CDH13: variants seen among roughly 807,000 people sequenced by gnomAD.
The protein encoded by CDH13 is cadherin-13.
CDH13 carries 24 observed loss-of-function variants against 63.8 expected under a neutral mutation model. The ratio of observed to expected loss-of-function variants is 0.38; its 90% CI spans 0.27 to 0.53. The LOEUF (loss-of-function observed/expected upper bound fraction) is 0.53, where lower values mean the gene tolerates loss of function less well. Ranked by LOEUF, CDH13 falls within the 20% of genes least tolerant of loss-of-function variation. CDH13 has a pLI of 0.85. For missense variants in CDH13, 1,049 were observed against 903.1 expected (o/e 1.16, Z -2.07); for synonymous variants, 503 against 355.3 (o/e 1.42, Z -4.67).
intron 6 of CDH13, among the ~76,000 whole-genome samples, chr16:83,429,291 G>T (rs1353610208): frequency 6.6e-6 from 1 of 152,128 alleles, no homozygotes; most frequent in African/African-American, 2.4e-5. Flanking sequence ...GACACTCTTT[G>T]ACCAATCTCA....
At chr16:83,652,774 T>C (rs1447671007) in intron 8 of CDH13, among the ~76,000 whole-genome samples, 1 of 152,116 alleles carries the variant, frequency 6.6e-6, no homozygotes, top group Non-Finnish European at 1.5e-5. Context: ...GGAGTCCCCA[T>C]ATGACCCAGC....
chr16:83,276,379 T>C (rs1245590849), intron 5 of CDH13, among the ~76,000 whole-genome samples: 2 of 152,198 alleles, frequency 1.3e-5, no homozygotes, highest in Non-Finnish European at 2.9e-5. Context: ...TCTTTGGTGT[T>C]TCCCATATGA....
chr16:83,472,060 A>G (rs1347828358), intron 6 of CDH13, among the ~76,000 whole-genome samples: 1 of 152,220 alleles, frequency 6.6e-6, no homozygotes, highest in African/African-American at 2.4e-5. Flanking sequence ...TTTGATAACA[A>G]CAATATTCTC....
chr16:83,127,716 G>C (rs538436794), intron 4 of CDH13, among the ~76,000 whole-genome samples: 1 of 152,150 alleles, frequency 6.6e-6, no homozygotes, highest in Non-Finnish European at 1.5e-5. Context: ...GACAGGGTGA[G>C]ACTCTGTGTC....
At chr16:83,148,753 G>C (rs899045105) in intron 4 of CDH13, among the ~76,000 whole-genome samples, 3 of 152,114 alleles carry the variant, frequency 2.0e-5, no homozygotes, top group Non-Finnish European at 4.4e-5. Flanking sequence ...TGGCACTTTT[G>C]AAGATGCAGA....
intron 6 of CDH13, among the ~76,000 whole-genome samples, chr16:83,441,762 G>A (rs1185965478): frequency 6.6e-6 from 1 of 152,108 alleles, no homozygotes. Context: ...AGTACCTGGT[G>A]GAGCCCTATG....
At chr16:83,301,839 A>G (rs1362210334) in intron 5 of CDH13, among the ~76,000 whole-genome samples, 1 of 142,250 alleles carries the variant, frequency 7.0e-6, no homozygotes, top group East Asian at 2.1e-4. Context: ...TTACAAAAAT[A>G]CATTTATGCT....
intron 10 of CDH13, among the ~76,000 whole-genome samples, chr16:83,699,163 G>C (rs981449131): frequency 6.6e-6 from 1 of 152,198 alleles, no homozygotes; most frequent in African/African-American, 2.4e-5. Flanking sequence ...CCCAAAGCAC[G>C]GGCATTGTGA....
chr16:83,534,909 T>G (rs2075154317), intron 7 of CDH13, among the ~76,000 whole-genome samples: 1 of 152,238 alleles, frequency 6.6e-6, no homozygotes. Flanking sequence ...ACAAATTCAT[T>G]AGAGCACAAA....
chr16:83,342,595 G>A (rs1204069444), intron 5 of CDH13, among the ~76,000 whole-genome samples: 2 of 152,080 alleles, frequency 1.3e-5, no homozygotes, highest in Non-Finnish European at 2.9e-5. Flanking sequence ...CTGAGATTCA[G>A]CTCCACATTC....
At position 83,203,186 on chromosome 16, in the gene CDH13, T is replaced by C. The variant is rs2039082257; in HGVS notation, c.484-14159T>C. Among the ~76,000 whole-genome samples, 3 of 151,700 alleles carry C rather than the reference T, an allele frequency of 2.0e-5. No individual in the cohort carries two copies. The South Asian group carries it at 6.3e-4, about 32-fold the overall frequency. ...TTGTGGTGAGCTGAGGTCGCACCAT[T>C]GCACTCCAGCCTGGGCAACAAGAGC... On this transcript the variant is annotated intron_variant, in intron 4 of 13. Transcript: ENST00000567109.
At chr16:83,321,367 C>A (rs576637473) in intron 5 of CDH13, among the ~76,000 whole-genome samples, 1 of 152,108 alleles carries the variant, frequency 6.6e-6, no homozygotes, top group Non-Finnish European at 1.5e-5. Flanking sequence ...CTTGGAGGCA[C>A]GTCACTCACC....
intron 6 of CDH13, among the ~76,000 whole-genome samples, chr16:83,391,373 T>C (rs1326788732): frequency 6.6e-6 from 1 of 151,816 alleles, no homozygotes; most frequent in African/African-American, 2.4e-5. Flanking sequence ...ACCCAGCTAA[T>C]TTTTGTATTT....
chr16:82,979,242 A>G (rs528379920), intron 2 of CDH13, among the ~76,000 whole-genome samples: 15 of 152,312 alleles, frequency 9.8e-5, no homozygotes, highest in African/African-American at 3.6e-4. Context: ...GCCTCGTCTC[A>G]GATGAGACTA....
intron 5 of CDH13, among the ~76,000 whole-genome samples, chr16:83,273,155 G>A (rs1350824417): frequency 6.6e-6 from 1 of 151,844 alleles, no homozygotes; most frequent in African/African-American, 2.4e-5. Flanking sequence ...AAGCAAAATG[G>A]CTCTAAAATA....
intron 6 of CDH13, among the ~76,000 whole-genome samples, chr16:83,355,408 C>T (rs2091032932): frequency 6.6e-6 from 1 of 152,166 alleles, no homozygotes; most frequent in Admixed American, 6.6e-5. Context: ...TTCTCAGCAA[C>T]ACAGTTAAGA....
intron 1 of CDH13, among the ~76,000 whole-genome samples, chr16:82,792,101 A>T (rs2036336476): frequency 6.6e-6 from 1 of 152,150 alleles, no homozygotes; most frequent in African/African-American, 2.4e-5. Context: ...TCTAGCCCAT[A>T]GAATATGGCA....
At chr16:83,652,982 G>C (rs1018252796) in intron 8 of CDH13, among the ~76,000 whole-genome samples, 1 of 152,218 alleles carries the variant, frequency 6.6e-6, no homozygotes, top group Non-Finnish European at 1.5e-5. Context: ...AAGGACTGAA[G>C]TACTGATCCA....
chr16:83,210,630 A>G (rs969712857), intron 4 of CDH13, among the ~76,000 whole-genome samples: 1 of 152,032 alleles, frequency 6.6e-6, no homozygotes, highest in Non-Finnish European at 1.5e-5. Context: ...AGCAGAGGAT[A>G]GAGGTTGGCA....
Sources: allele counts gnomAD v4.1 joint callset (sites outside exome capture counted in the v4.1 genomes callset), GRCh38; gene constraint gnomAD v4.1.1; transcripts MANE v1.5; gene names NCBI Gene and HGNC (gene_info 2026-07-23, HGNC 2026-07-21).